The following PLCL1 variants were observed in gnomAD, a reference collection of about 807,000 sequenced individuals.
PLCL1 encodes the protein inactive phospholipase C-like protein 1.
PLCL1 carries 41 observed loss-of-function variants against 84.4 expected under a neutral mutation model. That is an observed-to-expected ratio of 0.49 (90% CI 0.38 to 0.63). The LOEUF is 0.63. Among genes scored for constraint, PLCL1 ranks in the 30% least tolerant of loss-of-function variants. The probability of loss-of-function intolerance (pLI) is 0.00; values close to 1 mark genes in which losing one functional copy is unlikely to be tolerated. For synonymous variants in PLCL1, 490 were observed against 488.3 expected (o/e 1.00, Z -0.05); for missense variants, 1,206 against 1,367.8 (o/e 0.88, Z 1.87).
intron 1 of PLCL1, among the ~76,000 whole-genome samples, chr2:197,836,113 T>C (rs1002140595): frequency 2.6e-5 from 4 of 152,218 alleles, no homozygotes; most frequent in Admixed American, 6.5e-5. Context: ...ATGATTTAAC[T>C]CATGAATTTT....
chr2:197,918,657 C>T (rs989608254), intron 1 of PLCL1, among the ~76,000 whole-genome samples: 4 of 152,142 alleles, frequency 2.6e-5, no homozygotes, highest in Admixed American at 2.6e-4. Context: ...CACGGTGGCT[C>T]ATGCCTGTAA....
intron 1 of PLCL1, among the ~76,000 whole-genome samples, chr2:197,954,668 T>TAA (rs1689451952): frequency 6.6e-6 from 1 of 152,096 alleles, no homozygotes; most frequent in South Asian, 2.1e-4. Context: ...ACTAGCTTTG[T>TAA]AAGTGATAGT....
chr2:197,834,629 C>T (rs1211415613), intron 1 of PLCL1, among the ~76,000 whole-genome samples: 1 of 152,130 alleles, frequency 6.6e-6, no homozygotes, highest in African/African-American at 2.4e-5. Flanking sequence ...GAATGGCGAT[C>T]ATTAAAAAGT....
At chr2:197,869,393 T>C (rs969027651) in intron 1 of PLCL1, among the ~76,000 whole-genome samples, 1 of 151,992 alleles carries the variant, frequency 6.6e-6, no homozygotes, top group East Asian at 1.9e-4. Flanking sequence ...TTTGCCTAAA[T>C]GGGGATATAA....
At chr2:197,958,284 T>G (rs748725657) in intron 1 of PLCL1, among the ~76,000 whole-genome samples, 1 of 151,948 alleles carries the variant, frequency 6.6e-6, no homozygotes, top group Non-Finnish European at 1.5e-5. Flanking sequence ...ATCTTTTGGC[T>G]TCCCTGGTCC....
chr2:197,913,000 T>C (rs562518486), intron 1 of PLCL1, among the ~76,000 whole-genome samples: 1 of 152,190 alleles, frequency 6.6e-6, no homozygotes, highest in Non-Finnish European at 1.5e-5. Flanking sequence ...TCTCTTATGC[T>C]GGATCTTCAA....
In PLCL1 at chr2:198,068,469, T is replaced by C. The variant is rs368871660; in HGVS notation, c.241-15289T>C. ...TATTTCTACATCATGGGATTCACAC[T>C]TCCTGAGGTGAAATATCTTATTCTT... On this transcript the variant is annotated intron_variant, in intron 1 of 5. Coordinates refer to ENST00000428675, the MANE Select transcript of PLCL1 (RefSeq NM_006226.4). Among the ~76,000 whole-genome samples the C allele has an allele frequency of 1.4e-4, 21 of 152,364 alleles. 1 individual carries two copies. The East Asian group carries it at 2.9e-3, about 21-fold the overall frequency.
intron 1 of PLCL1, among the ~76,000 whole-genome samples, chr2:197,848,515 C>T (rs757095274): frequency 4.6e-5 from 7 of 151,954 alleles, no homozygotes; most frequent in Non-Finnish European, 7.4e-5. Context: ...AGGACTAGGC[C>T]GAGGTAGTTT....
At chr2:197,847,069 A>G (rs1484447684) in intron 1 of PLCL1, among the ~76,000 whole-genome samples, 1 of 152,090 alleles carries the variant, frequency 6.6e-6, no homozygotes, top group Non-Finnish European at 1.5e-5. Flanking sequence ...TTATTTTCTC[A>G]GTAGTCCCAG....
rs77260623 is a variant in PLCL1 at position 197,861,568 on chromosome 2, G to C, written c.240+56229G>C. 8.9e-4 allele frequency among the ~76,000 whole-genome samples: 136 copies of C among 152,288 alleles called. 1 individual carries two copies. The highest frequency in any genetic ancestry group is 1.6e-3 in the Non-Finnish European group (107 of 68,026). The stretch of plus-strand genomic sequence containing the variant: ...TTATAGCCGATTGGTCAGAAGCACA[G>C]GTAAAATAACCTGGAATTTGCAATT... On this transcript the variant is annotated intron_variant, in intron 1 of 5. Coordinates refer to ENST00000428675, the MANE Select transcript of PLCL1 (RefSeq NM_006226.4).
chr2:197,864,239 T>C (rs1426678818), intron 1 of PLCL1, among the ~76,000 whole-genome samples: 1 of 152,112 alleles, frequency 6.6e-6, no homozygotes, highest in East Asian at 1.9e-4. Context: ...GTATATCACA[T>C]GGAAGTTATT....
chr2:197,849,944 T>A (rs866603643), intron 1 of PLCL1, among the ~76,000 whole-genome samples: 20 of 152,190 alleles, frequency 1.3e-4, no homozygotes, highest in African/African-American at 4.1e-4. Context: ...TGTTGAAGCA[T>A]GTATCTGAAA....
chr2:197,927,432 G>A (rs1688852035), intron 1 of PLCL1, among the ~76,000 whole-genome samples: 1 of 152,162 alleles, frequency 6.6e-6, no homozygotes, highest in Non-Finnish European at 1.5e-5. Flanking sequence ...TTTCCTTTGG[G>A]ATTTCAAGAA....
chr2:198,093,314 A>G (rs1029906180), intron 3 of PLCL1, among the ~76,000 whole-genome samples: 18 of 152,230 alleles, frequency 1.2e-4, no homozygotes, highest in Non-Finnish European at 2.1e-4. Flanking sequence ...GAATGTATCA[A>G]TAGTGGCTTG....
At chr2:197,937,423 A>G (rs1229700160) in intron 1 of PLCL1, among the ~76,000 whole-genome samples, 1 of 152,148 alleles carries the variant, frequency 6.6e-6, no homozygotes, top group Non-Finnish European at 1.5e-5. Context: ...TAATCTTTCC[A>G]TTTATTTATG....
chr2:198,113,592 C>T lies in PLCL1; in HGVS notation c.3105+9656C>T, dbSNP rs118187810. ...CAGGGAAGTATTCCACGAGGAAATA[C>T]CAGTACAGTGGTGAGTAAATATTCC... On this transcript the variant is annotated intron_variant, in intron 5 of 5. Transcript: ENST00000428675. 3.8e-4 allele frequency among the ~76,000 whole-genome samples: 58 copies of T among 151,940 alleles called. 1 individual carries two copies. The East Asian group carries it at 0.011, about 29-fold the overall frequency.
chr2:197,865,693 C>T (rs1276265092), intron 1 of PLCL1, among the ~76,000 whole-genome samples: 1 of 151,952 alleles, frequency 6.6e-6, no homozygotes, highest in Non-Finnish European at 1.5e-5. Flanking sequence ...GCTCACGCGT[C>T]AAATGATGTA....
intron 1 of PLCL1, among the ~76,000 whole-genome samples, chr2:197,989,673 C>T (rs926398411): frequency 1.6e-4 from 24 of 151,898 alleles, no homozygotes; most frequent in African/African-American, 5.3e-4. Flanking sequence ...CATTGCACTC[C>T]AGCCTGGGCA....
intron 1 of PLCL1, among the ~76,000 whole-genome samples, chr2:198,075,935 A>G (rs181910153): frequency 2.6e-4 from 40 of 152,372 alleles, no homozygotes; most frequent in Admixed American, 2.2e-3. Context: ...TGTAAATGGA[A>G]GTTGTATTTG....
Sources: allele counts gnomAD v4.1 joint callset (sites outside exome capture counted in the v4.1 genomes callset), GRCh38; gene constraint gnomAD v4.1.1; transcripts MANE v1.5; gene names NCBI Gene and HGNC (gene_info 2026-07-23, HGNC 2026-07-21).